The following GNAI1 variants were observed in gnomAD, a reference collection of about 807,000 sequenced individuals.
GNAI1 encodes the protein G protein subunit alpha i1.
GNAI1 carries 11 observed loss-of-function variants against 38.9 expected under a neutral mutation model. That is an observed-to-expected ratio of 0.28 (90% CI 0.18 to 0.47). The LOEUF is 0.47. Among genes scored for constraint, GNAI1 ranks in the 20% least tolerant of loss-of-function variants. The pLI is 0.99. For synonymous variants in GNAI1, 166 were observed against 145.1 expected (o/e 1.14, Z -1.04); for missense variants, 317 against 436.9 (o/e 0.73, Z 2.45).
At position 80,210,989 on chromosome 7, in the gene GNAI1, A is replaced by G. The variant is rs1788863320; in HGVS notation, c.611A>G (p.Gln204Arg). The G allele has an allele frequency of 6.2e-7, 1 of 1,613,224 alleles. No homozygotes were observed. The highest frequency in any genetic ancestry group is 8.5e-7 in the Non-Finnish European group (1 of 1,179,146). The change falls in exon 6 of 8, where the codon CAG (glutamine) becomes CGG (arginine). Residue 204 changes from glutamine to arginine, a missense_variant. By Grantham distance (43) the Gln-to-Arg change is conservative. Around this residue, in one of 5 missense-constraint regions of GNAI1, gnomAD observed 158 missense variants for 234.7 expected, o/e 0.67. Transcript: ENST00000649796. ...AACAGAATGTTTGATGTGGGAGGTC[A>G]GAGATCTGAGCGGAAGAAGTGGATT... ...LHFKMFDVGG[Q>R]RSERKKWIHC... is the part of the protein sequence containing the mutation.
At chr7:80,137,317 CTTTTTTTT>C (rs398005254) in intron 1 of GNAI1, among the ~76,000 whole-genome samples, 2 of 53,984 alleles carry the variant, frequency 3.7e-5, no homozygotes, top group East Asian at 1.1e-3. Context: ...CTTTTCTTTT[CTTTTTTTT>C]TTTTTTTTTT....
chr7:80,141,051 G>T (rs1787517173), intron 1 of GNAI1, among the ~76,000 whole-genome samples: 1 of 152,058 alleles, frequency 6.6e-6, no homozygotes. Flanking sequence ...TAATTACATT[G>T]GGCCCACCCA....
chr7:80,198,238 T>G, intron 3 of GNAI1, among the ~76,000 whole-genome samples: 1 of 152,148 alleles, frequency 6.6e-6, no homozygotes, highest in South Asian at 2.1e-4. Context: ...TTGTAATACG[T>G]ATGAAAAAAT....
Position 80,217,608 on chromosome 7 carries a change from G to T in GNAI1, c.*115G>T. On this transcript the variant is annotated 3_prime_UTR_variant, in exon 8 of 8. Coordinates refer to ENST00000649796, the MANE Select transcript of GNAI1 (RefSeq NM_002069.6). ...ATGTAATATAAGGCAAATGCATCTG[G>T]GACTTGACCAAAGTTGTTCTGTTTT... 1.9e-6 allele frequency: 1 copy of T among 529,714 alleles called. No individual in the cohort carries two copies. The highest frequency in any genetic ancestry group is 3.2e-6 in the Non-Finnish European group (1 of 308,928). 32.8% of individuals were successfully genotyped at this position (529,714 alleles called of 1,614,324 possible).
chr7:80,141,197 C>T (rs900549835), intron 1 of GNAI1, among the ~76,000 whole-genome samples: 4 of 152,154 alleles, frequency 2.6e-5, no homozygotes, highest in East Asian at 1.9e-4. Context: ...TTCCACAGTC[C>T]GCCCTCTGGC....
chr7:80,137,149 G>C (rs1469987189), intron 1 of GNAI1, among the ~76,000 whole-genome samples: 2 of 151,748 alleles, frequency 1.3e-5, no homozygotes, highest in Admixed American at 6.6e-5. Context: ...CACTGTTCTA[G>C]ATTAAGACTT....
At chr7:80,141,252 T>G (rs1432045430) in intron 1 of GNAI1, among the ~76,000 whole-genome samples, 1 of 152,086 alleles carries the variant, frequency 6.6e-6, no homozygotes, top group Non-Finnish European at 1.5e-5. Context: ...GCATTCACCC[T>G]CTCCCAACAT....
rs761952038 is a variant in GNAI1 at position 80,218,212 on chromosome 7, C to G, written c.*719C>G. 2 of 152,006 alleles carry G rather than the reference C, an allele frequency of 1.3e-5. No homozygotes were observed. The highest frequency in any genetic ancestry group is 2.9e-5 in the Non-Finnish European group (2 of 67,980). 9.4% of individuals were successfully genotyped at this position (152,006 alleles called of 1,614,324 possible). ...TAATTTAATTTTACATTAGATTCCA[C>G]GTTAGATTTGGTTTGAAAAACTAAA... On this transcript the variant is annotated 3_prime_UTR_variant, in exon 8 of 8. Coordinates refer to ENST00000649796, the MANE Select transcript of GNAI1 (RefSeq NM_002069.6).
chr7:80,168,239 T>A (rs1427495490), intron 1 of GNAI1, among the ~76,000 whole-genome samples: 1 of 152,146 alleles, frequency 6.6e-6, no homozygotes, highest in Non-Finnish European at 1.5e-5. Context: ...ACCCTCTTTT[T>A]ACTCATTTAC....
chr7:80,180,677 C>G (rs1225953161), intron 1 of GNAI1, among the ~76,000 whole-genome samples: 1 of 152,100 alleles, frequency 6.6e-6, no homozygotes, highest in East Asian at 1.9e-4. Context: ...AACCTCATAC[C>G]TGGCTCTCAT....
chr7:80,196,097 G>A (rs898753982), intron 3 of GNAI1, among the ~76,000 whole-genome samples: 1 of 151,862 alleles, frequency 6.6e-6, no homozygotes, highest in East Asian at 1.9e-4. Flanking sequence ...GATATCCCCT[G>A]ACCACCGCTT....
At position 80,221,195 on chromosome 7, in the gene GNAI1, A is replaced by G. The variant is rs987942320; in HGVS notation, c.*3702A>G. Among the ~76,000 whole-genome samples the G allele has an allele frequency of 1.3e-5, 2 of 152,144 alleles. No homozygotes were observed. Among genetic ancestry groups the G allele is most frequent in the Non-Finnish European group, 2.9e-5 (2 of 68,026 alleles). Reference sequence around the variant, plus strand: ...CTGGCTCAATTTCTTATTAACTGGGAAAATCTGGGCAAATAATTTAGTTTT... The same window carrying G: ...CTGGCTCAATTTCTTATTAACTGGGGAAATCTGGGCAAATAATTTAGTTTT... On this transcript the variant is annotated 3_prime_UTR_variant, in exon 8 of 8. Transcript: ENST00000649796.
intron 1 of GNAI1, among the ~76,000 whole-genome samples, chr7:80,140,734 A>T (rs7776571): frequency 1.3e-5 from 2 of 152,194 alleles, no homozygotes. Flanking sequence ...AGGGCAAAAA[A>T]TTTTTTTTAA....
intron 1 of GNAI1, among the ~76,000 whole-genome samples, chr7:80,170,701 A>G (rs1562830851): frequency 6.6e-6 from 1 of 152,136 alleles, no homozygotes; most frequent in Non-Finnish European, 1.5e-5. Context: ...CAGATCTCAG[A>G]TAACTCACTC....
chr7:80,155,279 T>C (rs1787798399), intron 1 of GNAI1, among the ~76,000 whole-genome samples: 1 of 152,238 alleles, frequency 6.6e-6, no homozygotes, highest in Admixed American at 6.5e-5. Flanking sequence ...GGTTTTTGGA[T>C]ATTTTAATCA....
chr7:80,145,943 T>TTC (rs1787613593), intron 1 of GNAI1, among the ~76,000 whole-genome samples: 1 of 152,130 alleles, frequency 6.6e-6, no homozygotes, highest in African/African-American at 2.4e-5. Flanking sequence ...TCTCAGCTGT[T>TTC]TCGAGTGCTT....
chr7:80,207,357 C>CTT (rs1282067437), intron 5 of GNAI1, among the ~76,000 whole-genome samples: 2 of 152,024 alleles, frequency 1.3e-5, no homozygotes, highest in African/African-American at 2.4e-5. Context: ...GTTTTTCAAA[C>CTT]TTGTCATTTC....
chr7:80,219,877 A>G lies in GNAI1; in HGVS notation c.*2384A>G, dbSNP rs1315086605. Among the ~76,000 whole-genome samples, 1 of 152,068 alleles carries G rather than the reference A, an allele frequency of 6.6e-6. No individual in the cohort carries two copies. The highest frequency in any genetic ancestry group is 2.4e-5 in the African/African-American group (1 of 41,420). On this transcript the variant is annotated 3_prime_UTR_variant, in exon 8 of 8. Transcript: ENST00000649796. ...GGAACTCTTCTGATTCCTAATCTCC[A>G]TTTCAATTTACTGACAGTTCTACAA... is the stretch of plus-strand genomic sequence containing the variant.
chr7:80,155,705 C>T (rs1026294201), intron 1 of GNAI1, among the ~76,000 whole-genome samples: 94 of 151,186 alleles, frequency 6.2e-4, no homozygotes, highest in Non-Finnish European at 1.2e-4. Context: ...GGAATGATAG[C>T]ACAGTTACAC....
Sources: gnomAD v4.1 joint callset for allele counts (sites outside exome capture counted in the v4.1 genomes callset) on GRCh38, gnomAD v4.1.1 for gene constraint, gnomAD v4.1.1 regional missense constraint, MANE v1.5 for transcripts, NCBI Gene and HGNC (gene_info 2026-07-23, HGNC 2026-07-21) for gene names.